Variants in MYL4 observed in about 807,000 individuals in gnomAD.
MYL4 encodes atrial myosin light chain 1.
Under a neutral mutation model 21.6 loss-of-function variants are expected in MYL4, and 16 were observed. The ratio of observed to expected loss-of-function variants is 0.74; its 90% confidence interval spans 0.50 to 1.12. The LOEUF (loss-of-function observed/expected upper bound fraction) is 1.12, where lower values mean the gene tolerates loss of function less well. Among genes scored for constraint, MYL4 ranks in the 50% most tolerant of loss-of-function variants. MYL4 has a pLI of 0.00. For missense variants in MYL4, 249 were observed against 252.9 expected, an observed-to-expected ratio of 0.98 and a Z score of 0.11; for synonymous variants, 82 against 95.7, an observed-to-expected ratio of 0.86 and a Z score of 0.83.
the MYL4 span, among the ~76,000 whole-genome samples, chr17:47,191,432 T>C: frequency 6.6e-6 from 1 of 152,210 alleles, no homozygotes; most frequent in East Asian, 1.9e-4. Context: ...TGGACTATTA[T>C]TATCTGGACA....
upstream of MYL4, among the ~76,000 whole-genome samples, chr17:47,199,532 A>G (rs181663357): frequency 4.6e-3 from 693 of 152,218 alleles, 5 homozygotes; most frequent in African/African-American, 0.013. Context: ...CCTGGCCCCA[A>G]GGAGCTCACT....
At position 47,221,762 on chromosome 17, in the gene MYL4, T is replaced by A; in HGVS notation, c.394T>A (p.Tyr132Asn). Residue 132 changes from tyrosine (Y) to asparagine (N), a missense_variant, in exon 4 of 7, where the codon TAT (tyrosine) becomes AAT (asparagine). By Grantham distance (143) the Tyr-to-Asn change is moderately radical. Transcript: ENST00000393450. ...TTCCCGCAACAAGGAGCAGGGCACC[T>A]ATGAGGACTTCGTGGAGGGCCTGCG... ...HISRNKEQGT[Y>N]EDFVEGLRVF... 1 of 1,614,132 alleles carries A rather than the reference T, an allele frequency of 6.2e-7. No individual in the cohort carries two copies. The highest frequency in any genetic ancestry group is 8.5e-7 in the Non-Finnish European group (1 of 1,179,992).
chr17:47,223,014 C>G lies in MYL4; in HGVS notation c.566C>G (p.Ala189Gly), dbSNP rs758099887. ...EDANGCINYE[A>G]FVKHIMSG is the part of the protein sequence containing the mutation. ...TGGCTGATTTTCACTTTTTTCCTAG[C>G]CTTTGTCAAGCACATCATGTCAGGG... Residue 189 changes from alanine to glycine, a missense_variant and splice_region_variant, in exon 6 of 7, where the codon GCC becomes GGC. Ala to Gly is a moderately conservative substitution (Grantham distance 60, BLOSUM62 0). Coordinates refer to ENST00000393450, the MANE Select transcript of MYL4 (RefSeq NM_002476.2). The G allele has an allele frequency of 3.7e-6, 6 of 1,614,148 alleles. No homozygotes were observed. Among genetic ancestry groups the G allele is most frequent in the South Asian group, 1.1e-5 (1 of 91,076 alleles).
At chr17:47,196,597 C>T (rs1298713823), upstream of MYL4, among the ~76,000 whole-genome samples, 2 of 152,196 alleles carry the variant, frequency 1.3e-5, no homozygotes, top group African/African-American at 4.8e-5. Flanking sequence ...TCCTGAAATA[C>T]ATTTCCCTTA....
intron 4 of MYL4, 53 bp downstream of exon 4, chr17:47,221,908 A>G: frequency 6.4e-7 from 1 of 1,571,352 alleles, no homozygotes; most frequent in Admixed American, 1.8e-5. Context: ...GAGGGGTGGG[A>G]GGTGCCAAGG....
At chr17:47,216,154 T>A (rs1030017180) in intron 2 of MYL4, among the ~76,000 whole-genome samples, 1 of 151,920 alleles carries the variant, frequency 6.6e-6, no homozygotes, top group Non-Finnish European at 1.5e-5. Context: ...TTGCTTCTCA[T>A]CCCTCTCCAG....
the MYL4 span, among the ~76,000 whole-genome samples, chr17:47,194,474 A>G: frequency 6.6e-6 from 1 of 152,168 alleles, no homozygotes; most frequent in African/African-American, 2.4e-5. Context: ...ATTATTCTCA[A>G]AATAATCCTT....
the MYL4 span, among the ~76,000 whole-genome samples, chr17:47,193,569 A>G: frequency 2.0e-5 from 3 of 151,892 alleles, no homozygotes; most frequent in East Asian, 1.9e-4. Context: ...CGCCTGGCCT[A>G]CTGCTCTGTT....
At position 47,216,698 on chromosome 17, in the gene MYL4, TC is replaced by T. The variant is rs199572732; in HGVS notation, c.163+2873del. On this transcript the variant is annotated intron_variant, in intron 2 of 6. Coordinates refer to ENST00000393450, the MANE Select transcript of MYL4 (RefSeq NM_002476.2). Reference sequence around the variant, plus strand: ...ATGACATCTTTTTTTTCTTTTTCTTTCTTTTTTTTTTTTGAGACAGAGTTTT... The same window carrying T: ...ATGACATCTTTTTTTTCTTTTTCTTTTTTTTTTTTTTTGAGACAGAGTTTT... Among the ~76,000 whole-genome samples, 1,383 of 146,598 alleles carry T rather than the reference TC, an allele frequency of 9.4e-3. 48 individuals carry two copies. The highest frequency in any genetic ancestry group is 0.031 in the African/African-American group (1,239 of 39,534).
At chr17:47,213,306 G>A (rs1164733391) in intron 1 of MYL4, among the ~76,000 whole-genome samples, 1 of 152,148 alleles carries the variant, frequency 6.6e-6, no homozygotes, top group Non-Finnish European at 1.5e-5. Flanking sequence ...CTGCATTACA[G>A]TTGTCCCTCG....
chr17:47,199,940 C>T (rs2064703827), upstream of MYL4, among the ~76,000 whole-genome samples: 1 of 150,966 alleles, frequency 6.6e-6, no homozygotes, highest in African/African-American at 2.4e-5. Context: ...AGGGTTTCGC[C>T]ATGTTACCCA....
chr17:47,199,474 C>G (rs1302063181), upstream of MYL4, among the ~76,000 whole-genome samples: 1 of 152,164 alleles, frequency 6.6e-6, no homozygotes, highest in African/African-American at 2.4e-5. Context: ...GCATGAGCCA[C>G]TGTGCCCAGC....
Position 47,223,026 on chromosome 17 carries a change from A to G in MYL4, c.578A>G (p.His193Arg), listed in dbSNP as rs1001851965. The stretch of plus-strand genomic sequence containing the variant: ...ACTTTTTTCCTAGCCTTTGTCAAGC[A>G]CATCATGTCAGGGTGAAGCAGAGTC... The part of the protein sequence containing the change: ...GCINYEAFVK[H>R]IMSG The change falls in exon 6 of 7, where the codon CAC becomes CGC. Residue 193 changes from histidine to arginine, a missense_variant. By Grantham distance (29) the His-to-Arg change is conservative. Transcript: ENST00000393450. The G allele has an allele frequency of 6.2e-7, 1 of 1,614,162 alleles. No individual in the cohort carries two copies. Among genetic ancestry groups the G allele is most frequent in the Non-Finnish European group, 8.5e-7 (1 of 1,180,016 alleles).
intron 5 of MYL4, 110 bp from the exon 6 acceptor site, chr17:47,222,904 A>T: frequency 7.4e-7 from 1 of 1,343,144 alleles, no homozygotes; most frequent in Non-Finnish European, 1.1e-6. Flanking sequence ...CACAGTCTGG[A>T]GAAAGGGGAG....
chr17:47,213,464 T>C (rs1474757007), intron 1 of MYL4, among the ~76,000 whole-genome samples: 1 of 152,234 alleles, frequency 6.6e-6, no homozygotes. Flanking sequence ...TTATAATACC[T>C]AGTACAATGT....
At chr17:47,216,695 C>CT (rs200874260) in intron 2 of MYL4, among the ~76,000 whole-genome samples, 7,203 of 141,814 alleles carry the variant, frequency 0.051, 285 homozygotes, top group Middle Eastern at 0.092. Context: ...TTTTCTTTTT[C>CT]TTTCTTTTTT....
chr17:47,221,297 G>A (rs565843299), intron 3 of MYL4, among the ~76,000 whole-genome samples: 1 of 152,262 alleles, frequency 6.6e-6, no homozygotes, highest in South Asian at 2.1e-4. Context: ...GGTCTGTCAC[G>A]TCAAGGGTCT....
Position 47,223,046 on chromosome 17 carries a change from A to G in MYL4, c.*4A>G. The G allele has an allele frequency of 6.2e-7, 1 of 1,614,196 alleles. No homozygotes were observed. Among genetic ancestry groups the G allele is most frequent in the Non-Finnish European group, 8.5e-7 (1 of 1,180,012 alleles). ...CAAGCACATCATGTCAGGGTGAAGC[A>G]GAGTCTTCCAGGTGAGTGCAGCCTC... On this transcript the variant is annotated 3_prime_UTR_variant, in exon 6 of 7. Transcript: ENST00000393450.
intron 2 of MYL4, among the ~76,000 whole-genome samples, chr17:47,217,894 G>T (rs113419995): frequency 6.6e-6 from 1 of 151,924 alleles, no homozygotes; most frequent in African/African-American, 2.4e-5. Context: ...TTAGCCTGGC[G>T]TGGTGGCGCA....
Sources: gnomAD v4.1 joint callset for allele counts (sites outside exome capture counted in the v4.1 genomes callset) on GRCh38, gnomAD v4.1.1 for gene constraint, MANE v1.5 for transcripts, NCBI Gene and HGNC (gene_info 2026-07-23, HGNC 2026-07-21) for gene names.